RPSA2: variants seen among roughly 807,000 people sequenced by gnomAD.
RPSA2 encodes ribosomal protein SA 2, also known as small ribosomal subunit protein uS2B.
the RPSA2 span, among the ~76,000 whole-genome samples, chr19:23,801,013 A>G: frequency 6.6e-6 from 1 of 152,200 alleles, no homozygotes; most frequent in Non-Finnish European, 1.5e-5. Flanking sequence ...CATGGAGCCC[A>G]GAAACCCAAT....
the RPSA2 span, among the ~76,000 whole-genome samples, chr19:23,840,397 G>C: frequency 6.6e-6 from 1 of 152,140 alleles, no homozygotes; most frequent in Admixed American, 6.5e-5. Context: ...TTTGTTGACA[G>C]ATCAGCCTGA....
At chr19:23,845,149 A>G in the RPSA2 span, among the ~76,000 whole-genome samples, 1 of 1,244 alleles carries the variant, frequency 8.0e-4, no homozygotes, top group Non-Finnish European at 5.6e-3. Flanking sequence ...TTAGATTTCT[A>G]TTCTGTTTGT....
chr19:23,838,035 A>G, the RPSA2 span, among the ~76,000 whole-genome samples: 1 of 152,134 alleles, frequency 6.6e-6, no homozygotes, highest in Non-Finnish European at 1.5e-5. Context: ...TTCAGAGGGA[A>G]CGCTTTTAAC....
the RPSA2 span, among the ~76,000 whole-genome samples, chr19:23,780,636 G>A: frequency 0.98 from 148,881 of 152,206 alleles, 72,905 homozygotes; most frequent in Middle Eastern, 1. Flanking sequence ...GTGAGACTCC[G>A]TCTCAAACAA....
chr19:23,824,666 T>G, the RPSA2 span, among the ~76,000 whole-genome samples: 1 of 146,486 alleles, frequency 6.8e-6, no homozygotes, highest in African/African-American at 2.5e-5. Context: ...CTCCTAAAAC[T>G]AAGATTACAG....
chr19:23,867,178 C>T, the RPSA2 span, among the ~76,000 whole-genome samples: 1 of 152,154 alleles, frequency 6.6e-6, no homozygotes, highest in South Asian at 2.1e-4. Context: ...CTTATGGACA[C>T]AGGAGCTGAT....
At chr19:23,822,746 C>A in the RPSA2 span, among the ~76,000 whole-genome samples, 2 of 152,078 alleles carry the variant, frequency 1.3e-5, no homozygotes, top group Non-Finnish European at 2.9e-5. Flanking sequence ...GGGCATGATA[C>A]CATCTGAGTT....
chr19:23,864,951 C>T, the RPSA2 span, among the ~76,000 whole-genome samples: 1 of 152,202 alleles, frequency 6.6e-6, no homozygotes, highest in Admixed American at 6.5e-5. Context: ...CCCTTCTTCA[C>T]CAGAAGCAAG....
chr19:23,856,742 G>A, the RPSA2 span, among the ~76,000 whole-genome samples: 2 of 152,132 alleles, frequency 1.3e-5, no homozygotes, highest in Non-Finnish European at 2.9e-5. Flanking sequence ...CGCTGGGGGT[G>A]ACATCACATA....
the RPSA2 span, among the ~76,000 whole-genome samples, chr19:23,765,237 C>T: frequency 1.3e-5 from 2 of 152,188 alleles, no homozygotes; most frequent in Admixed American, 6.5e-5. Flanking sequence ...GGTGGGAACT[C>T]CCTGAAGACC....
the RPSA2 span, among the ~76,000 whole-genome samples, chr19:23,784,129 G>A: frequency 6.6e-6 from 1 of 152,320 alleles, no homozygotes; most frequent in African/African-American, 2.4e-5. Context: ...GAAGCCAGTA[G>A]GAGAGATAAT....
the RPSA2 span, chr19:23,826,967 G>A: frequency 3.4e-6 from 2 of 589,508 alleles, no homozygotes; most frequent in African/African-American, 3.7e-5. Flanking sequence ...TGGGATTACA[G>A]GTGTGAACCA....
At chr19:23,831,089 C>A in the RPSA2 span, among the ~76,000 whole-genome samples, 3 of 152,092 alleles carry the variant, frequency 2.0e-5, no homozygotes, top group Admixed American at 6.5e-5. Flanking sequence ...GTACTGCTGT[C>A]AGTCTGCTGC....
At chr19:23,845,500 A>G in the RPSA2 span, among the ~76,000 whole-genome samples, 2 of 151,392 alleles carry the variant, frequency 1.3e-5, no homozygotes, top group Non-Finnish European at 2.9e-5. Flanking sequence ...TTTCATCTTA[A>G]TTTTCTTTTT....
the RPSA2 span, among the ~76,000 whole-genome samples, chr19:23,770,617 C>G: frequency 1.3e-5 from 2 of 152,124 alleles, no homozygotes; most frequent in African/African-American, 4.8e-5. Context: ...CTGCCTGCAC[C>G]CTGACCACTG....
chr19:23,857,482 A>C, the RPSA2 span, among the ~76,000 whole-genome samples: 1 of 137,190 alleles, frequency 7.3e-6, no homozygotes, highest in Non-Finnish European at 1.5e-5. Context: ...GTCTTTTTAA[A>C]GTCTTTTTTT....
At chr19:23,780,661 A>AAACAAAACAG in the RPSA2 span, among the ~76,000 whole-genome samples, 1 of 121,440 alleles carries the variant, frequency 8.2e-6, no homozygotes, top group Non-Finnish European at 1.8e-5. Context: ...AAACAAAACA[A>AAACAAAACAG]AAAACAAAAC....
At chr19:23,766,143 CTTTTTTT>C in the RPSA2 span, among the ~76,000 whole-genome samples, 2 of 29,382 alleles carry the variant, frequency 6.8e-5, no homozygotes, top group African/African-American at 2.2e-4. Context: ...ATTTCATTTC[CTTTTTTT>C]TTTTTTTTTT....
chr19:23,778,155 G>T, the RPSA2 span, among the ~76,000 whole-genome samples: 1 of 152,170 alleles, frequency 6.6e-6, no homozygotes, highest in Non-Finnish European at 1.5e-5. Flanking sequence ...CCTGCCTACT[G>T]GGGGAATTGT....
Sources: allele counts gnomAD v4.1 joint callset (sites outside exome capture counted in the v4.1 genomes callset), GRCh38; gene constraint gnomAD v4.1.1; transcripts MANE v1.5; gene names NCBI Gene and HGNC (gene_info 2026-07-23, HGNC 2026-07-21).